Variants in ADAMTS14 observed in about 807,000 individuals in gnomAD.
ADAMTS14 encodes A disintegrin and metalloproteinase with thrombospondin motifs 14.
A neutral mutation model predicts 128.6 loss-of-function variants in ADAMTS14; 100 were observed. That is an observed-to-expected ratio of 0.78 (90% CI 0.66 to 0.92). ADAMTS14 has a LOEUF of 0.92. Among genes scored for constraint, ADAMTS14 ranks in the 40% least tolerant of loss-of-function variants. The probability of loss-of-function intolerance (pLI) is 0.00; values close to 1 mark genes in which losing one functional copy is unlikely to be tolerated. For synonymous variants in ADAMTS14, 665 were observed against 653.8 expected (o/e 1.02, Z -0.26); for missense variants, 1,562 against 1,658.6 (o/e 0.94, Z 1.01).
At chr10:70,735,043 G>A (rs999675958) in intron 8 of ADAMTS14, 126 bp from the exon 9 acceptor site, 33 of 1,259,308 alleles carry the variant, frequency 2.6e-5, no homozygotes, top group African/African-American at 4.5e-5. Context: ...AAGAGACAGC[G>A]CTGGGAACAG....
intron 2 of ADAMTS14, among the ~76,000 whole-genome samples, chr10:70,688,987 C>CATCACCTTCATCATCAACATTAG (rs1445371410): frequency 1.4e-5 from 2 of 142,158 alleles, no homozygotes; most frequent in Non-Finnish European, 3.2e-5. Flanking sequence ...CCAAGCCACT[C>CATCACCTTCATCATCAACATTAG]CCGTCCCCCA....
In ADAMTS14 at chr10:70,751,503, C is replaced by T. The variant is rs760981826; in HGVS notation, c.2453C>T (p.Pro818Leu). 1 of 1,610,028 alleles carries T rather than the reference C, an allele frequency of 6.2e-7. No individual in the cohort carries two copies. Among genetic ancestry groups the T allele is most frequent in the South Asian group, 1.1e-5 (1 of 90,966 alleles). ...ILALPPTEGG[P>L]RSSLAYKYVI... is the part of the protein sequence containing the mutation. ...GCTCTCCCCCCAACTGAGGGTGGCC[C>T]CCGCAGCAGCCTGGCCTACAAGTAC... Residue 818 changes from proline (P) to leucine (L), a missense_variant, in exon 17 of 22, where the codon CCC becomes CTC. Pro to Leu is a moderately conservative substitution (Grantham distance 98). Coordinates refer to ENST00000373207, the MANE Select transcript of ADAMTS14 (RefSeq NM_080722.4).
chr10:70,699,922 G>T (rs556882556), intron 2 of ADAMTS14, among the ~76,000 whole-genome samples: 29 of 152,208 alleles, frequency 1.9e-4, no homozygotes, highest in Admixed American at 3.9e-4. Context: ...AGCCAGGTTT[G>T]TGTGCCTGTA....
chr10:70,697,986 G>A (rs1480075983), intron 2 of ADAMTS14, among the ~76,000 whole-genome samples: 5 of 152,222 alleles, frequency 3.3e-5, no homozygotes, highest in Non-Finnish European at 1.5e-5. Flanking sequence ...ATTAAAGGGA[G>A]TTTAGCCCAG....
At chr10:70,745,028 G>A (rs1589329831) in intron 14 of ADAMTS14, among the ~76,000 whole-genome samples, 198 bp from the exon 15 acceptor site, 1 of 152,134 alleles carries the variant, frequency 6.6e-6, no homozygotes, top group East Asian at 1.9e-4. Flanking sequence ...GAGTTTACAG[G>A]ACATGTCTCA....
intron 4 of ADAMTS14, among the ~76,000 whole-genome samples, chr10:70,709,792 G>A (rs1251314549): frequency 3.9e-5 from 6 of 152,298 alleles, no homozygotes; most frequent in African/African-American, 1.2e-4. Flanking sequence ...GAGCCACCGC[G>A]CCCAGCCTAC....
chr10:70,754,480 G>A (rs2587474), intron 19 of ADAMTS14, among the ~76,000 whole-genome samples: 40,463 of 152,040 alleles, frequency 0.27, 5,541 homozygotes, highest in African/African-American at 0.28. Flanking sequence ...GTAGTGGGTC[G>A]ATGTGGTGGA....
At chr10:70,684,455 G>A (rs1180279076) in intron 2 of ADAMTS14, among the ~76,000 whole-genome samples, 1 of 152,190 alleles carries the variant, frequency 6.6e-6, no homozygotes, top group African/African-American at 2.4e-5. Context: ...GGGAAGGAGT[G>A]GTAAAGTCTC....
intron 21 of ADAMTS14, among the ~76,000 whole-genome samples, chr10:70,759,897 G>C (rs539716712): frequency 6.6e-6 from 1 of 152,334 alleles, no homozygotes; most frequent in East Asian, 1.9e-4. Context: ...CCAGTGTGTG[G>C]GTGAAGGAGA....
At chr10:70,708,365 C>T (rs1208133633) in intron 3 of ADAMTS14, among the ~76,000 whole-genome samples, 1 of 152,156 alleles carries the variant, frequency 6.6e-6, no homozygotes, top group Non-Finnish European at 1.5e-5. Context: ...CAGTTCTCAC[C>T]CCTTTGCTAC....
At position 70,740,990 on chromosome 10, in the gene ADAMTS14, A is replaced by G; in HGVS notation, c.1752A>G (p.Pro584=). The stretch of plus-strand genomic sequence containing the variant: ...CATTTCTCTGTGTCTGTCCCAGCCC[A>G]GCCTATGGAGGCCGCCTGTGCTTAG... ...SRSRSCNNPS[P]AYGGRLCLGP... The change falls in exon 12 of 22, where the codon CCA becomes CCG. Residue 584 remains proline, a synonymous_variant. Coordinates refer to ENST00000373207, the MANE Select transcript of ADAMTS14 (RefSeq NM_080722.4). 1 of 1,613,960 alleles carries G rather than the reference A, an allele frequency of 6.2e-7. No homozygotes were observed. Among genetic ancestry groups the G allele is most frequent in the Non-Finnish European group, 8.5e-7 (1 of 1,179,910 alleles).
In ADAMTS14 at chr10:70,738,938, C is replaced by T. The variant is rs199765284; in HGVS notation, c.1696C>T (p.Arg566Trp). 7.4e-6 allele frequency: 12 copies of T among 1,613,350 alleles called. No homozygotes were observed. Among genetic ancestry groups the T allele is most frequent in the South Asian group, 1.1e-5 (1 of 91,058 alleles). ...SSWTKFGSCS[R>W]SCGGGVRSRS... is the part of the protein sequence containing the mutation. ...CTGGACCAAGTTTGGGTCATGTTCGCGGTCATGTGGGGGCGGGGTGCGATC... is the reference window on the plus strand; with the variant it reads ...CTGGACCAAGTTTGGGTCATGTTCGTGGTCATGTGGGGGCGGGGTGCGATC... Residue 566 changes from arginine to tryptophan, a missense_variant, in exon 11 of 22, where the codon CGG becomes TGG. Coordinates refer to ENST00000373207, the MANE Select transcript of ADAMTS14 (RefSeq NM_080722.4).
chr10:70,754,701 G>A lies in ADAMTS14; in HGVS notation c.2937+694G>A, dbSNP rs551139046. 1.1e-4 allele frequency among the ~76,000 whole-genome samples: 16 copies of A among 152,268 alleles called. No homozygotes were observed. In the East Asian group the frequency reaches 2.3e-3, roughly 22 times the overall value. Reference sequence around the variant, plus strand: ...GGTCCATGGCTACGGGCTTTGCAAGGGGTTTGCATATATTCTAAGAGCAAT... The same window carrying A: ...GGTCCATGGCTACGGGCTTTGCAAGAGGTTTGCATATATTCTAAGAGCAAT... On this transcript the variant is annotated intron_variant, in intron 19 of 21. Coordinates refer to ENST00000373207, the MANE Select transcript of ADAMTS14 (RefSeq NM_080722.4).
At chr10:70,681,768 C>T (rs999162735) in intron 2 of ADAMTS14, among the ~76,000 whole-genome samples, 5 of 152,216 alleles carry the variant, frequency 3.3e-5, no homozygotes, top group Non-Finnish European at 7.3e-5. Context: ...TGACCTACCC[C>T]CTCCCAGACA....
intron 4 of ADAMTS14, among the ~76,000 whole-genome samples, chr10:70,726,831 G>C (rs1365279923): frequency 2.0e-5 from 3 of 150,912 alleles, no homozygotes; most frequent in East Asian, 3.9e-4. Flanking sequence ...TGTGTGGATT[G>C]AGGAGGACAT....
In ADAMTS14 at chr10:70,751,564, C is replaced by A; in HGVS notation, c.2514C>A (p.Ser838Arg). The A allele has an allele frequency of 1.2e-6, 2 of 1,613,888 alleles. No individual in the cohort carries two copies. Among genetic ancestry groups the A allele is most frequent in the African/African-American group, 1.3e-5 (1 of 75,036 alleles). Reference protein sequence around the residue: ...IHEDLLPLIGSNNVLLEEMDT... With the variant: ...IHEDLLPLIGRNNVLLEEMDT... ...AGGACCTGCTGCCCCTTATCGGGAG[C>A]AACAATGTGCTCCTGGAGGAGATGG... Residue 838 changes from serine (S) to arginine (R), a missense_variant, in exon 17 of 22, where the codon AGC becomes AGA. Ser to Arg is a moderately radical substitution (Grantham distance 110). Coordinates refer to ENST00000373207, the MANE Select transcript of ADAMTS14 (RefSeq NM_080722.4).
intron 12 of ADAMTS14, among the ~76,000 whole-genome samples, chr10:70,742,533 G>A (rs1320267795): frequency 6.6e-6 from 1 of 152,248 alleles, no homozygotes; most frequent in Non-Finnish European, 1.5e-5. Context: ...GTTACCAGCT[G>A]TGCTGGAGCC....
chr10:70,745,477 A>AC, intron 15 of ADAMTS14, 171 bp downstream of exon 15: 1 of 741,736 alleles, frequency 1.3e-6, no homozygotes, highest in South Asian at 1.5e-5. Flanking sequence ...TGCATGGGTA[A>AC]CCCATTCCAT....
chr10:70,752,247 G>C lies in ADAMTS14; in HGVS notation c.2729+20G>C. ...GCCTGTGTGAGTGCTCCCAGGGAGG[G>C]ACGGGGAGTCTGGTTCTATGCCTAG... On this transcript the variant is annotated intron_variant, in intron 18 of 21. Coordinates refer to ENST00000373207, the MANE Select transcript of ADAMTS14 (RefSeq NM_080722.4). 9 of 1,612,412 alleles carry C rather than the reference G, an allele frequency of 5.6e-6. No homozygotes were observed. The highest frequency in any genetic ancestry group is 6.8e-6 in the Non-Finnish European group (8 of 1,179,342).
Sources: gnomAD v4.1 joint callset for allele counts (sites outside exome capture counted in the v4.1 genomes callset) on GRCh38, gnomAD v4.1.1 for gene constraint, MANE v1.5 for transcripts, NCBI Gene and HGNC (gene_info 2026-07-23, HGNC 2026-07-21) for gene names.